The following TLK1 variants were observed in gnomAD, a reference collection of about 807,000 sequenced individuals.
The protein encoded by TLK1 is tousled like kinase 1.
Under a neutral mutation model 105.3 loss-of-function variants are expected in TLK1, and 24 were observed. The ratio of observed to expected loss-of-function variants is 0.23; its 90% CI spans 0.17 to 0.32. The LOEUF is 0.32. Among genes scored for constraint, TLK1 ranks in the 10% least tolerant of loss-of-function variants. TLK1 has a pLI of 1.00. For synonymous variants in TLK1, 321 were observed against 310.4 expected, an observed-to-expected ratio of 1.03 and a Z score of -0.36; for missense variants, 558 against 910.5, an observed-to-expected ratio of 0.61 and a Z score of 4.98.
chr2:171,017,540 A>T (rs1171956912), intron 12 of TLK1, among the ~76,000 whole-genome samples: 1 of 152,236 alleles, frequency 6.6e-6, no homozygotes, highest in Non-Finnish European at 1.5e-5. Flanking sequence ...TAGGTTGTTG[A>T]TGAACATAAT....
intron 12 of TLK1, among the ~76,000 whole-genome samples, chr2:171,024,513 C>T (rs1471776579): frequency 2.6e-5 from 4 of 152,068 alleles, no homozygotes; most frequent in Admixed American, 1.3e-4. Flanking sequence ...CAAAAGAAAA[C>T]TTAAGGAAAA....
At chr2:171,110,093 G>T (rs573184020) in intron 2 of TLK1, among the ~76,000 whole-genome samples, 1 of 152,272 alleles carries the variant, frequency 6.6e-6, no homozygotes, top group East Asian at 1.9e-4. Flanking sequence ...AATCTAAGAG[G>T]GGGGAATACG....
At chr2:171,136,103 T>G (rs1691310725) in intron 1 of TLK1, among the ~76,000 whole-genome samples, 1 of 152,186 alleles carries the variant, frequency 6.6e-6, no homozygotes, top group African/African-American at 2.4e-5. Flanking sequence ...AAACAAAATG[T>G]GGTACACACG....
chr2:171,193,542 G>T (rs1256138295), intron 1 of TLK1, among the ~76,000 whole-genome samples: 1 of 150,486 alleles, frequency 6.6e-6, no homozygotes, highest in Non-Finnish European at 1.5e-5. Flanking sequence ...GACTACAAGC[G>T]CCCGCCACCA....
rs543429893 is a variant in TLK1 at position 171,059,004 on chromosome 2, C to G, written c.407-807G>C. On this transcript the variant is annotated intron_variant, in intron 4 of 20. Transcript: ENST00000431350. ...TATTTCTTAAGTGGTTACTATGTGC[C>G]AGGCATTACTAAGATGAAAAACAGT... 1.4e-3 allele frequency among the ~76,000 whole-genome samples: 219 copies of G among 152,132 alleles called. 2 individuals carry two copies. The highest frequency in any genetic ancestry group is 5.6e-3 in the South Asian group (27 of 4,812).
At chr2:171,055,535 A>T in intron 6 of TLK1, among the ~76,000 whole-genome samples, 1 of 152,010 alleles carries the variant, frequency 6.6e-6, no homozygotes, top group East Asian at 1.9e-4. Flanking sequence ...TTGAAAAAAC[A>T]AACTTACTAG....
intron 1 of TLK1, among the ~76,000 whole-genome samples, chr2:171,146,933 G>C (rs1691814364): frequency 6.6e-6 from 1 of 152,148 alleles, no homozygotes; most frequent in African/African-American, 2.4e-5. Flanking sequence ...TGGGGTCTAA[G>C]GGATACCCAG....
intron 11 of TLK1, among the ~76,000 whole-genome samples, chr2:171,038,820 A>G (rs1205260824): frequency 6.6e-6 from 1 of 152,204 alleles, no homozygotes; most frequent in Admixed American, 6.5e-5. Flanking sequence ...GGTATTCTAT[A>G]TATGTCCATT....
intron 2 of TLK1, among the ~76,000 whole-genome samples, chr2:171,097,619 C>T (rs1302267704): frequency 6.6e-6 from 1 of 152,030 alleles, no homozygotes; most frequent in Non-Finnish European, 1.5e-5. Context: ...AAGAGCAAGA[C>T]AACAACCTAA....
chr2:171,184,980 A>C (rs1022944642), intron 1 of TLK1, among the ~76,000 whole-genome samples: 1 of 152,074 alleles, frequency 6.6e-6, no homozygotes, highest in Non-Finnish European at 1.5e-5. Context: ...CTGGGACTAC[A>C]GGTGCCCGCC....
Position 171,078,254 on chromosome 2 carries a change from A to T in TLK1, c.330+4527T>A, listed in dbSNP as rs1037148689. On this transcript the variant is annotated intron_variant, in intron 3 of 20. Coordinates refer to ENST00000431350, the MANE Select transcript of TLK1 (RefSeq NM_012290.5). Reference sequence around the variant, plus strand: ...ATTCTACTTTTTAAAAATCTAATGAAATCTGCTGGGCTTGGTGGCTCACAC... The same window carrying T: ...ATTCTACTTTTTAAAAATCTAATGATATCTGCTGGGCTTGGTGGCTCACAC... 2.0e-5 allele frequency among the ~76,000 whole-genome samples: 3 copies of T among 152,118 alleles called. No homozygotes were observed. In the South Asian group the frequency reaches 6.2e-4, roughly 31 times the overall value.
chr2:171,148,911 ATG>A (rs58338054), intron 1 of TLK1, among the ~76,000 whole-genome samples: 5,234 of 133,812 alleles, frequency 0.039, 339 homozygotes, highest in African/African-American at 0.14. Flanking sequence ...ATATATATAT[ATG>A]TGTGTGTGTG....
At chr2:171,091,488 C>T (rs935895008) in intron 2 of TLK1, 4 of 152,124 alleles carry the variant, frequency 2.6e-5, no homozygotes, top group Non-Finnish European at 5.9e-5. Flanking sequence ...TTCATGACAG[C>T]AACATAGTTT....
intron 1 of TLK1, among the ~76,000 whole-genome samples, chr2:171,144,775 G>A (rs1015994031): frequency 6.6e-5 from 10 of 152,000 alleles, no homozygotes; most frequent in South Asian, 6.2e-4. Flanking sequence ...ATACCATAAA[G>A]AGAAGACAAA....
chr2:171,103,577 G>C (rs966247436), intron 2 of TLK1, among the ~76,000 whole-genome samples: 2 of 151,878 alleles, frequency 1.3e-5, no homozygotes, highest in African/African-American at 4.8e-5. Flanking sequence ...ATTTTTCTTC[G>C]TGATTATCTG....
At chr2:171,053,097 C>T (rs1292988657) in intron 8 of TLK1, among the ~76,000 whole-genome samples, 3 of 152,098 alleles carry the variant, frequency 2.0e-5, no homozygotes, top group Non-Finnish European at 4.4e-5. Flanking sequence ...TTAAATAAAG[C>T]TTCCATTAAA....
chr2:171,035,328 C>A (rs1686271901), intron 11 of TLK1, among the ~76,000 whole-genome samples: 1 of 129,900 alleles, frequency 7.7e-6, no homozygotes, highest in Admixed American at 8.5e-5. Context: ...GGCACAAGAG[C>A]AAAACTCCGT....
intron 13 of TLK1, among the ~76,000 whole-genome samples, chr2:171,011,794 C>T (rs1684927754): frequency 6.6e-6 from 1 of 152,148 alleles, no homozygotes; most frequent in Non-Finnish European, 1.5e-5. Context: ...CTGGAAAAAA[C>T]AGACTTTTAT....
intron 1 of TLK1, among the ~76,000 whole-genome samples, chr2:171,125,974 G>A (rs1324148891): frequency 6.6e-6 from 1 of 151,962 alleles, no homozygotes; most frequent in African/African-American, 2.4e-5. Context: ...GTCCTCAAGA[G>A]GGAAATTTTC....
Sources: gnomAD v4.1 joint callset for allele counts (sites outside exome capture counted in the v4.1 genomes callset) on GRCh38, gnomAD v4.1.1 for gene constraint, MANE v1.5 for transcripts, NCBI Gene and HGNC (gene_info 2026-07-23, HGNC 2026-07-21) for gene names.